PRH1: variants seen among roughly 807,000 people sequenced by gnomAD.
PRH1 encodes salivary acidic proline-rich phosphoprotein 1/2.
PRH1 carries 7 observed loss-of-function variants against 7.9 expected under a neutral mutation model. The ratio of observed to expected loss-of-function variants is 0.89; its 90% confidence interval spans 0.50 to 1.67. The LOEUF (loss-of-function observed/expected upper bound fraction) is 1.67, where lower values mean the gene tolerates loss of function less well. Among genes scored for constraint, PRH1 ranks in the 40% most tolerant of loss-of-function variants. PRH1 has a pLI of 0.00. For missense variants in PRH1, 109 were observed against 223.6 expected, an observed-to-expected ratio of 0.49 and a Z score of 3.27; for synonymous variants, 45 against 80.8, an observed-to-expected ratio of 0.56 and a Z score of 2.38.
intron 1 of PRH1, among the ~76,000 whole-genome samples, chr12:11,029,762 C>T (rs1942093652): frequency 6.6e-6 from 1 of 152,148 alleles, no homozygotes. Flanking sequence ...TTATGGTAGA[C>T]ATACATTAAA....
chr12:11,064,171 G>A (rs1943716565), intron 1 of PRH1, among the ~76,000 whole-genome samples: 1 of 152,070 alleles, frequency 6.6e-6, no homozygotes, highest in South Asian at 2.1e-4. Flanking sequence ...AATTTATGGT[G>A]ATTATTTCCT....
At chr12:11,074,430 C>CT (rs1944213232) in intron 1 of PRH1, among the ~76,000 whole-genome samples, 1 of 111,644 alleles carries the variant, frequency 9.0e-6, no homozygotes, top group Non-Finnish European at 2.1e-5. Flanking sequence ...GGTGTGAGGT[C>CT]TAAGGGGAAC....
At chr12:10,986,962 G>T in intron 1 of PRH1, 1 of 814,130 alleles carries the variant, frequency 1.2e-6, no homozygotes. Flanking sequence ...ATTTCTGAAT[G>T]TGCAGTAACA....
At chr12:10,889,207 T>C (rs566353048), upstream of PRH1, among the ~76,000 whole-genome samples, 1 of 152,320 alleles carries the variant, frequency 6.6e-6, no homozygotes, top group East Asian at 1.9e-4. Context: ...TGGAAAGAAA[T>C]TCTCCTAGGT....
chr12:11,046,231 G>A (rs1266529120), intron 1 of PRH1, among the ~76,000 whole-genome samples: 2 of 152,128 alleles, frequency 1.3e-5, no homozygotes, highest in African/African-American at 4.8e-5. Flanking sequence ...AGGTTTTCAA[G>A]AATAGAGTAT....
upstream of PRH1, chr12:11,048,705 G>A (rs928956215): frequency 3.3e-5 from 14 of 426,538 alleles, no homozygotes; most frequent in East Asian, 3.0e-4. Flanking sequence ...AGGGTGTGAC[G>A]TTTGCTGGCA....
At chr12:11,100,456 C>G (rs1945201237) in intron 1 of PRH1, among the ~76,000 whole-genome samples, 1 of 152,164 alleles carries the variant, frequency 6.6e-6, no homozygotes, top group Non-Finnish European at 1.5e-5. Context: ...ACAAACTCTC[C>G]TCACAGGGAA....
At chr12:11,168,404 G>GGA (rs1555178407) in intron 1 of PRH1, among the ~76,000 whole-genome samples, 8 of 16,286 alleles carry the variant, frequency 4.9e-4, no homozygotes, top group Non-Finnish European at 1.2e-3. Context: ...AAGAAAGAAA[G>GGA]AAAGAAAGAA....
chr12:11,005,271 C>A (rs1940774663), intron 1 of PRH1, among the ~76,000 whole-genome samples: 1 of 152,118 alleles, frequency 6.6e-6, no homozygotes, highest in Admixed American at 6.6e-5. Context: ...AAAATGAGTT[C>A]TCATTTGCTA....
rs1057184678 is a variant in PRH1 at position 11,062,424 on chromosome 12, T to A, written n.124-15236A>T. The A allele has an allele frequency of 2.8e-5, 35 of 1,246,648 alleles. No homozygotes were observed. The African/African-American group carries it at 4.7e-4, about 17-fold the overall frequency. The allele number at this position is 1,246,648 out of a possible 1,614,324, so 77.2% of individuals were successfully genotyped here. On this transcript the variant is annotated intron_variant and non_coding_transcript_variant, in intron 1 of 4. Coordinates refer to the PRH1 transcript ENST00000541977. The stretch of plus-strand genomic sequence containing the variant: ...TGTGCTGTGACATTCTTTTTACTTT[T>A]AATTGCTGTGACCAGTGTCAAGCCA...
intron 1 of PRH1, among the ~76,000 whole-genome samples, chr12:11,151,471 G>T (rs1401489260): frequency 1.3e-5 from 2 of 152,166 alleles, no homozygotes; most frequent in African/African-American, 4.8e-5. Flanking sequence ...CTTGGATAGA[G>T]ACAGAAATTT....
At chr12:11,022,333 A>T (rs760257660) in intron 1 of PRH1, 83 of 1,613,798 alleles carry the variant, frequency 5.1e-5, no homozygotes, top group Non-Finnish European at 6.5e-5. Context: ...AACAATTCTT[A>T]CTTCTAAACC....
intron 1 of PRH1, among the ~76,000 whole-genome samples, chr12:11,027,881 C>T (rs1018766490): frequency 5.3e-5 from 8 of 152,190 alleles, no homozygotes; most frequent in African/African-American, 1.9e-4. Context: ...ATAGCAAGTG[C>T]AGAATATTAA....
chr12:11,075,970 G>T (rs113037621), intron 1 of PRH1, among the ~76,000 whole-genome samples: 3,092 of 46,360 alleles, frequency 0.067, 141 homozygotes, highest in Non-Finnish European at 0.11. Context: ...AGACAGATAT[G>T]ACCTCTCTTT....
At chr12:11,104,364 A>C (rs1945348480) in intron 1 of PRH1, among the ~76,000 whole-genome samples, 1 of 152,016 alleles carries the variant, frequency 6.6e-6, no homozygotes, top group African/African-American at 2.4e-5. Flanking sequence ...GTAATGAATG[A>C]CAATGTATTA....
chr12:11,146,261 T>G (rs183449788), intron 1 of PRH1, among the ~76,000 whole-genome samples: 2 of 123,204 alleles, frequency 1.6e-5, no homozygotes, highest in Non-Finnish European at 3.8e-5. Context: ...TGCTTTATTC[T>G]TCTAGGTAGT....
intron 1 of PRH1, chr12:11,061,617 T>C: frequency 6.2e-7 from 1 of 1,614,074 alleles, no homozygotes; most frequent in Non-Finnish European, 8.5e-7. Context: ...TTTGCAAAGC[T>C]TTTATGTGGA....
chr12:10,893,238 T>G (rs180769176), intron 2 of PRH1, among the ~76,000 whole-genome samples: 3 of 152,188 alleles, frequency 2.0e-5, no homozygotes, highest in African/African-American at 7.2e-5. Flanking sequence ...TCAGTTCAAT[T>G]TGAATTTCAA....
chr12:11,061,833 C>A (rs940546276), intron 1 of PRH1: 1 of 1,614,188 alleles, frequency 6.2e-7, no homozygotes, highest in African/African-American at 1.3e-5. Context: ...ATTCTTTTGT[C>A]CATATAATCT....
Sources: allele counts gnomAD v4.1 joint callset (sites outside exome capture counted in the v4.1 genomes callset), GRCh38; gene constraint gnomAD v4.1.1; transcripts MANE v1.5; gene names NCBI Gene and HGNC (gene_info 2026-07-23, HGNC 2026-07-21).